The following DHDH variants were observed in gnomAD, a reference collection of about 807,000 sequenced individuals.
DHDH encodes dihydrodiol dehydrogenase, also known as trans-1,2-dihydrobenzene-1,2-diol dehydrogenase.
DHDH carries 29 observed loss-of-function variants against 33.2 expected under a neutral mutation model. That is an observed-to-expected ratio of 0.87 (90% CI 0.65 to 1.19). The LOEUF is 1.19. DHDH is among the 50% of genes most tolerant of loss of function. The probability of loss-of-function intolerance (pLI) is 0.00; values close to 1 mark genes in which losing one functional copy is unlikely to be tolerated. For synonymous variants in DHDH, 201 were observed against 187.9 expected, an observed-to-expected ratio of 1.07 and a Z score of -0.57; for missense variants, 431 against 455.0, an observed-to-expected ratio of 0.95 and a Z score of 0.48.
intron 6 of DHDH, 43 bp downstream of exon 6, chr19:48,944,550 G>T: frequency 6.4e-7 from 1 of 1,552,544 alleles, no homozygotes; most frequent in Non-Finnish European, 8.7e-7. Flanking sequence ...CTGGTAGGGG[G>T]ATGTTGGGCC....
chr19:48,935,134 G>T (rs1352296130), intron 2 of DHDH, 23 bp downstream of exon 2: 37 of 1,520,292 alleles, frequency 2.4e-5, no homozygotes, highest in Non-Finnish European at 3.3e-5. Context: ...GGCGATGGGG[G>T]TGCTGGCCGC....
intron 3 of DHDH, among the ~76,000 whole-genome samples, chr19:48,938,708 G>A (rs553289502): frequency 8.0e-5 from 12 of 149,366 alleles, no homozygotes; most frequent in Middle Eastern, 3.2e-3. Context: ...GCAACGGTGC[G>A]ATCTTCAGCT....
At position 48,935,194 on chromosome 19, in the gene DHDH, C is replaced by T. The variant is rs887367299; in HGVS notation, c.202+83C>T. 2.8e-6 allele frequency: 3 copies of T among 1,086,116 alleles called. No individual in the cohort carries two copies. In the East Asian group the frequency reaches 8.5e-5, roughly 31 times the overall value. The allele number at this position is 1,086,116 out of a possible 1,614,324, so 67.3% of individuals were successfully genotyped here. A position where few individuals can be genotyped will look rare whatever the true frequency, so the allele number is the denominator to read the frequency against. ...CTGCCCCCTGGGAGATGCAAGGCTCCTCAGGATGGTCCAATCCCTTTGGGT... is the reference window on the plus strand; with the variant it reads ...CTGCCCCCTGGGAGATGCAAGGCTCTTCAGGATGGTCCAATCCCTTTGGGT... On this transcript the variant is annotated intron_variant, in intron 2 of 6. Coordinates refer to ENST00000221403, the MANE Select transcript of DHDH (RefSeq NM_014475.4).
At position 48,939,554 on chromosome 19, in the gene DHDH, C is replaced by A. The variant is rs554003656; in HGVS notation, c.472C>A (p.Leu158Ile). Residue 158 changes from leucine to isoleucine, a missense_variant, in exon 4 of 7, where the codon CTC (leucine) becomes ATC (isoleucine). Transcript: ENST00000221403. ...RVARAEFGKN[L>I]IHVPRAVDRA... ...GGCTCGGGCAGAATTTGGGAAGAAT[C>A]TCATCCACGTTCCCCGGGCCGTAGA... 6 of 1,613,730 alleles carry A rather than the reference C, an allele frequency of 3.7e-6. No individual in the cohort carries two copies. The highest frequency in any genetic ancestry group is 5.1e-6 in the Non-Finnish European group (6 of 1,180,018).
At chr19:48,935,164 C>G (rs1443601106) in intron 2 of DHDH, 53 bp downstream of exon 2, 25 of 1,409,032 alleles carry the variant, frequency 1.8e-5, no homozygotes, top group Non-Finnish European at 2.1e-5. Flanking sequence ...AGCGGTGCCC[C>G]CTGGCTGCCC....
chr19:48,936,652 C>G (rs561281969), intron 3 of DHDH, among the ~76,000 whole-genome samples: 2 of 148,510 alleles, frequency 1.3e-5, no homozygotes, highest in East Asian at 4.0e-4. Context: ...GCCAAGATTG[C>G]GCCACTGCAC....
upstream of DHDH, among the ~76,000 whole-genome samples, chr19:48,933,519 C>T (rs1227063405): frequency 6.6e-6 from 1 of 152,214 alleles, no homozygotes; most frequent in Non-Finnish European, 1.5e-5. Flanking sequence ...GTGTGGTTCC[C>T]TCTGTAAGGC....
chr19:48,934,894 G>C, intron 1 of DHDH, 106 bp from the exon 2 acceptor site: 1 of 810,824 alleles, frequency 1.2e-6, no homozygotes, highest in Non-Finnish European at 1.8e-6. Flanking sequence ...CTTCCCCCAG[G>C]ACCACGTCTC....
chr19:48,941,721 C>T (rs1196693321), intron 4 of DHDH, among the ~76,000 whole-genome samples: 1 of 147,194 alleles, frequency 6.8e-6, no homozygotes, highest in Admixed American at 7.0e-5. Context: ...GTCACTTAGG[C>T]TGAGTGCAGT....
In DHDH at chr19:48,942,608, A is replaced by G. The variant is rs375604394; in HGVS notation, c.744+44A>G. On this transcript the variant is annotated intron_variant, in intron 5 of 6. Transcript: ENST00000221403. ...AAGCGCTGGGGATCGTGCCCCTAAA[A>G]TAGGAGGGGGACAAATGGCCTCTGG... 10 of 1,591,298 alleles carry G rather than the reference A, an allele frequency of 6.3e-6. 1 individual carries two copies. In the African/African-American group the frequency reaches 9.4e-5, roughly 15 times the overall value.
At chr19:48,944,677 A>T (rs956872913) in intron 6 of DHDH, 147 bp from the exon 7 acceptor site, 1 of 1,197,532 alleles carries the variant, frequency 8.4e-7, no homozygotes, top group Admixed American at 2.4e-5. Flanking sequence ...CTCTCACTCC[A>T]AAAAAAGAAC....
chr19:48,935,755 T>C (rs2037763077), intron 2 of DHDH, among the ~76,000 whole-genome samples: 1 of 151,184 alleles, frequency 6.6e-6, no homozygotes, highest in African/African-American at 2.4e-5. Context: ...AGGTGGAGCT[T>C]GCAGTGAGCC....
intron 2 of DHDH, 64 bp from the exon 3 acceptor site, chr19:48,935,968 G>A: frequency 1.3e-6 from 2 of 1,547,024 alleles, no homozygotes; most frequent in South Asian, 1.2e-5. Context: ...CCTCGAAGTT[G>A]TGGGCGGAGC....
At chr19:48,933,859 C>A (rs752589364) in intron 1 of DHDH, 48 bp downstream of exon 1, 1 of 1,566,180 alleles carries the variant, frequency 6.4e-7, no homozygotes, top group South Asian at 1.1e-5. Context: ...GGGGGCGGGA[C>A]TCCAGAGTCT....
At position 48,944,400 on chromosome 19, in the gene DHDH, G is replaced by T; in HGVS notation, c.788G>T (p.Gly263Val). Residue 263 changes from glycine (G) to valine (V), a missense_variant, in exon 6 of 7, where the codon GGG (glycine) becomes GTG (valine). Coordinates refer to ENST00000221403, the MANE Select transcript of DHDH (RefSeq NM_014475.4). The part of the protein sequence containing the change: ...CWCPTELVVK[G>V]EHKEFPLPPV... ...TGCCCGACCGAGCTGGTGGTGAAGG[G>T]GGAGCATAAGGAGTTCCCGCTGCCC... 1 of 1,614,146 alleles carries T rather than the reference G, an allele frequency of 6.2e-7. No individual in the cohort carries two copies. Among genetic ancestry groups the T allele is most frequent in the Non-Finnish European group, 8.5e-7 (1 of 1,180,012 alleles).
At chr19:48,941,491 C>T (rs2037859854) in intron 4 of DHDH, among the ~76,000 whole-genome samples, 1 of 152,098 alleles carries the variant, frequency 6.6e-6, no homozygotes, top group South Asian at 2.1e-4. Context: ...AAGCGATTCT[C>T]CTCCGTAAGA....
intron 6 of DHDH, 50 bp from the exon 7 acceptor site, chr19:48,944,774 G>A: frequency 6.6e-7 from 1 of 1,517,960 alleles, no homozygotes. Flanking sequence ...TAGTTCTTTG[G>A]GTCTTGGGCG....
At position 48,944,507 on chromosome 19, in the gene DHDH, G is replaced by A. The variant is rs746669382; in HGVS notation, c.895G>A (p.Gly299Ser). 6.9e-6 allele frequency: 11 copies of A among 1,600,100 alleles called. No homozygotes were observed. The African/African-American group carries it at 1.5e-4, about 21-fold the overall frequency. ...AKHVWECLRK[G>S]MKESPVIPLS... The stretch of plus-strand genomic sequence containing the variant: ...GCACGTCTGGGAGTGCCTACGCAAG[G>A]GTAAGGATATGGATGCGGGGCAGGC... Residue 299 changes from glycine to serine, a missense_variant and splice_region_variant, in exon 6 of 7, where the codon GGT becomes AGT. Gly to Ser is a moderately conservative substitution (Grantham distance 56). Coordinates refer to ENST00000221403, the MANE Select transcript of DHDH (RefSeq NM_014475.4).
At chr19:48,939,823 T>G in intron 4 of DHDH, 122 bp downstream of exon 4, 1 of 1,399,496 alleles carries the variant, frequency 7.1e-7, no homozygotes, top group South Asian at 1.4e-5. Flanking sequence ...GGAACAACTT[T>G]CCATGAAGCC....
Sources: gnomAD v4.1 joint callset for allele counts (sites outside exome capture counted in the v4.1 genomes callset) on GRCh38, gnomAD v4.1.1 for gene constraint, MANE v1.5 for transcripts, NCBI Gene and HGNC (gene_info 2026-07-23, HGNC 2026-07-21) for gene names.